MORC4: variants seen among roughly 807,000 people sequenced by gnomAD.
MORC4 encodes the protein MORC family CW-type zinc finger protein 4.
MORC4 carries 22 observed loss-of-function variants against 65.5 expected under a neutral mutation model. The ratio of observed to expected loss-of-function variants is 0.34; its 90% confidence interval spans 0.24 to 0.48. The LOEUF is 0.48. MORC4 is among the 20% of genes least tolerant of loss of function. The pLI is 0.99. For missense variants in MORC4, 624 were observed against 703.0 expected (o/e 0.89, Z 1.27); for synonymous variants, 267 against 255.8 (o/e 1.04, Z -0.42).
intron 3 of MORC4, among the ~76,000 whole-genome samples, chrX:106,987,153 A>AT (rs1490160911): frequency 9.0e-6 from 1 of 111,637 alleles, no homozygotes; most frequent in African/African-American, 3.3e-5. Flanking sequence ...CTAATGTTCC[A>AT]TAGCAGACCA....
intron 14 of MORC4, among the ~76,000 whole-genome samples, chrX:106,951,641 TA>T (rs1381269072): frequency 9.0e-6 from 1 of 111,358 alleles, no homozygotes; most frequent in Admixed American, 9.6e-5. Context: ...AGTGCTGGTA[TA>T]AGAGGCGTGA....
intron 16 of MORC4, 54 bp from the exon 17 acceptor site, chrX:106,941,686 A>G: frequency 2.7e-6 from 3 of 1,119,353 alleles, no homozygotes; most frequent in Non-Finnish European, 3.6e-6. Flanking sequence ...TCATTAACCA[A>G]CAGAATAAAA....
intron 2 of MORC4, among the ~76,000 whole-genome samples, chrX:106,994,026 G>A (rs986419161): frequency 1.8e-5 from 2 of 112,339 alleles, no homozygotes; most frequent in Non-Finnish European, 3.8e-5. Flanking sequence ...TTAAAGGTAA[G>A]GCTGTCCATC....
At chrX:106,960,216 G>C (rs1191883455) in intron 10 of MORC4, among the ~76,000 whole-genome samples, 3 of 112,429 alleles carry the variant, frequency 2.7e-5, no homozygotes, top group Non-Finnish European at 3.8e-5. Context: ...ATATGCATAG[G>C]AGAGTCTCTT....
At chrX:106,997,230 C>T (rs1935097882) in intron 2 of MORC4, among the ~76,000 whole-genome samples, 1 of 112,176 alleles carries the variant, frequency 8.9e-6, no homozygotes, top group African/African-American at 3.2e-5. Context: ...TTACCCTATG[C>T]ATCCCTAGAC....
intron 3 of MORC4, among the ~76,000 whole-genome samples, chrX:106,992,747 TTAAGAG>T (rs1935005691): frequency 2.7e-5 from 3 of 112,113 alleles, no homozygotes; most frequent in African/African-American, 9.7e-5. Context: ...TACTTCTGAT[TTAAGAG>T]TGAGTTTAGG....
Position 106,993,345 on chromosome X carries a change from C to T in MORC4, c.193G>A (p.Asp65Asn), listed in dbSNP as rs1935015064. 3 of 1,208,917 alleles carry T rather than the reference C, an allele frequency of 2.5e-6. No individual in the cohort carries two copies. The Admixed American group carries it at 6.6e-5, about 26-fold the overall frequency. The change falls in exon 3 of 17, where the codon GAT becomes AAT. Residue 65 changes from aspartate (D) to asparagine (N), a missense_variant. Asp to Asn is a conservative substitution (Grantham distance 23). Coordinates refer to ENST00000355610, the MANE Select transcript of MORC4 (RefSeq NM_024657.5). ...ATAAAGACCGTCCTGGCAGATACAT[C>T]TGGATCTACAGCATTATCTGCAAAA... The part of the protein sequence containing the change: ...AELLDNAVDP[D>N]VSARTVFIDV...
chrX:106,941,704 C>T, intron 16 of MORC4, 72 bp from the exon 17 acceptor site: 2 of 1,041,018 alleles, frequency 1.9e-6, no homozygotes, highest in Non-Finnish European at 2.6e-6. Context: ...AAATGAAGCC[C>T]CTTCAAAATG....
At chrX:106,968,642 C>CAAAAA (rs1194053588) in intron 9 of MORC4, among the ~76,000 whole-genome samples, 28 of 17,958 alleles carry the variant, frequency 1.6e-3, no homozygotes, top group East Asian at 2.1e-3. Context: ...AAATGGAAAG[C>CAAAAA]AAAAAAAAAA....
intron 13 of MORC4, among the ~76,000 whole-genome samples, chrX:106,955,736 G>C (rs1206262856): frequency 5.4e-5 from 6 of 111,398 alleles, no homozygotes. Flanking sequence ...GTCTTGGCAG[G>C]ATATCAGAAG....
intron 2 of MORC4, among the ~76,000 whole-genome samples, chrX:106,993,999 G>C (rs1175001761): frequency 6.2e-5 from 7 of 112,068 alleles, no homozygotes; most frequent in Non-Finnish European, 1.3e-4. Context: ...TTTTTGCTTA[G>C]GTATTTTGTA....
rs373470477 is a variant in MORC4, at chrX:106,985,227, G to A, written c.543C>T (p.Thr181=). 17 of 1,157,413 alleles carry A rather than the reference G, an allele frequency of 1.5e-5. 1 individual carries two copies. The Admixed American group carries it at 2.7e-4, about 18-fold the overall frequency. ...FNQQNKKMII[T]EDSLPSLEAI... is the part of the protein sequence containing the mutation. ...CTTCTAGGCTGGGCAATGAATCCTC[G>A]GTAATAATCATTTTTTGTAAAATCA... is the stretch of plus-strand genomic sequence containing the variant. The change falls in exon 5 of 17, where the codon ACC becomes ACT. Residue 181 remains threonine (T), a synonymous_variant. Coordinates refer to ENST00000355610, the MANE Select transcript of MORC4 (RefSeq NM_024657.5).
chrX:106,981,519 C>T (rs1461660052), intron 5 of MORC4, 42 bp from the exon 6 acceptor site: 21 of 1,099,588 alleles, frequency 1.9e-5, no homozygotes, highest in Non-Finnish European at 2.5e-5. Context: ...AAAACTGGCT[C>T]CAGAGGACAA....
At position 106,981,384 on chromosome X, in the gene MORC4, A is replaced by G. The variant is rs758788637; in HGVS notation, c.768T>C (p.Gly256=). 7.5e-6 allele frequency: 9 copies of G among 1,205,412 alleles called. No homozygotes were observed. Among genetic ancestry groups the G allele is most frequent in the Admixed American group, 6.6e-5 (3 of 45,311 alleles). Residue 256 remains glycine, a synonymous_variant, in exon 6 of 17, where the codon GGT becomes GGC. Transcript: ENST00000355610. Reference sequence around the variant, plus strand: ...CTGTTTCTGGTAGCTCAGAGGTAACACCGCCAGTCATTTTTTCTTCTGTGT... The same window carrying G: ...CTGTTTCTGGTAGCTCAGAGGTAACGCCGCCAGTCATTTTTTCTTCTGTGT... ...DFDTEEKMTG[G]VTSELPETEY...
In MORC4 at chrX:106,978,108, G is replaced by A. The variant is rs961640852; in HGVS notation, c.1028C>T (p.Ser343Phe). The change falls in exon 8 of 17, where the codon TCT becomes TTT. Residue 343 changes from serine (S) to phenylalanine (F), a missense_variant. By Grantham distance (155) the Ser-to-Phe change is radical. Coordinates refer to ENST00000355610, the MANE Select transcript of MORC4 (RefSeq NM_024657.5). ...MMYHNNRLIK[S>F]FEKVGCQVKP... is the part of the protein sequence containing the mutation. Reference sequence around the variant, plus strand: ...CACCTGGCACCCCACCTTCTCAAAAGATTTTATGAGTCGGTTGTTATGATA... The same window carrying A: ...CACCTGGCACCCCACCTTCTCAAAAAATTTTATGAGTCGGTTGTTATGATA... 83 of 1,206,414 alleles carry A rather than the reference G, an allele frequency of 6.9e-5. No homozygotes were observed. Among genetic ancestry groups the A allele is most frequent in the Non-Finnish European group, 9.0e-5 (80 of 892,811 alleles).
rs912581032 is a variant in MORC4, at chrX:106,978,158, A to G, written c.978T>C (p.Asn326=). The change falls in exon 8 of 17, where the codon AAT becomes AAC. Residue 326 remains asparagine, a synonymous_variant. Coordinates refer to ENST00000355610, the MANE Select transcript of MORC4 (RefSeq NM_024657.5). ...VRITFGFSCK[N]SNQFGIMMYH... is the part of the protein sequence containing the mutation. Reference sequence around the variant, plus strand: ...ACATCATTATTCCAAACTGGTTACTATTCTTGCAAGAGAACCCAAAGGTGA... The same window carrying G: ...ACATCATTATTCCAAACTGGTTACTGTTCTTGCAAGAGAACCCAAAGGTGA... 2.5e-6 allele frequency: 3 copies of G among 1,205,739 alleles called. No individual in the cohort carries two copies. The highest frequency in any genetic ancestry group is 3.4e-6 in the Non-Finnish European group (3 of 892,166).
chrX:106,958,048 A>G (rs1249025337), intron 11 of MORC4, among the ~76,000 whole-genome samples: 1 of 112,184 alleles, frequency 8.9e-6, no homozygotes, highest in Non-Finnish European at 1.9e-5. Flanking sequence ...GGATAGACAA[A>G]TGGAATGCAG....
intron 9 of MORC4, among the ~76,000 whole-genome samples, chrX:106,963,211 G>A (rs958308295): frequency 8.9e-6 from 1 of 111,804 alleles, no homozygotes; most frequent in Non-Finnish European, 1.9e-5. Flanking sequence ...TAGATTAGAT[G>A]GGCATATGGG....
chrX:106,999,591 G>T (rs1305832991), intron 2 of MORC4, 86 bp downstream of exon 2: 2 of 932,347 alleles, frequency 2.1e-6, no homozygotes, highest in Non-Finnish European at 2.8e-6. Context: ...GCCCCGCGCG[G>T]CTCTGCGCAT....
Sources: gnomAD v4.1 joint callset for allele counts (sites outside exome capture counted in the v4.1 genomes callset) on GRCh38, gnomAD v4.1.1 for gene constraint, MANE v1.5 for transcripts, NCBI Gene and HGNC (gene_info 2026-07-23, HGNC 2026-07-21) for gene names.